ARMC3: variants seen among roughly 807,000 people sequenced by gnomAD.
The protein encoded by ARMC3 is armadillo repeat containing 3, also known as armadillo repeat-containing protein 3.
ARMC3 carries 74 observed loss-of-function variants against 90.3 expected under a neutral mutation model. The ratio of observed to expected loss-of-function variants is 0.82; its 90% CI spans 0.68 to 0.99. The LOEUF (loss-of-function observed/expected upper bound fraction) is 0.99. ARMC3 is among the 50% of genes least tolerant of loss of function. The pLI, the probability that ARMC3 is intolerant of heterozygous loss-of-function variation, is 0.00. For missense variants in ARMC3, 958 were observed against 1,042.8 expected (o/e 0.92, Z 1.12); for synonymous variants, 334 against 361.8 (o/e 0.92, Z 0.87).
At chr10:23,002,192 C>T (rs1250289398) in intron 12 of ARMC3, 137 bp downstream of exon 12, 20 of 1,300,760 alleles carry the variant, frequency 1.5e-5, no homozygotes, top group Non-Finnish European at 2.0e-5. Flanking sequence ...GTCCCCAGGG[C>T]GGGCCTTGGC....
chr10:22,946,121 A>C, intron 2 of ARMC3, 23 bp from the exon 3 acceptor site: 1 of 1,485,280 alleles, frequency 6.7e-7, no homozygotes, highest in Non-Finnish European at 9.3e-7. Flanking sequence ...TGTGAAACTG[A>C]TAGTTTTCTT....
chr10:23,036,036 C>T (rs1839113955), intron 18 of ARMC3, among the ~76,000 whole-genome samples: 1 of 152,156 alleles, frequency 6.6e-6, no homozygotes, highest in Non-Finnish European at 1.5e-5. Flanking sequence ...ATACCATGAC[C>T]TTAGGAAAAT....
chr10:23,002,162 A>G (rs1837325708), intron 12 of ARMC3, 107 bp downstream of exon 12: 12 of 1,443,620 alleles, frequency 8.3e-6, no homozygotes, highest in Admixed American at 4.8e-5. Flanking sequence ...CTGCTCTCTC[A>G]GTCCGCTGAA....
chr10:22,964,588 G>C (rs557866211), intron 7 of ARMC3, among the ~76,000 whole-genome samples: 132 of 151,946 alleles, frequency 8.7e-4, no homozygotes, highest in African/African-American at 2.8e-3. Context: ...ACAGGCACGT[G>C]CCACCACATC....
At chr10:22,948,608 G>A (rs929495591) in intron 3 of ARMC3, among the ~76,000 whole-genome samples, 1 of 152,066 alleles carries the variant, frequency 6.6e-6, no homozygotes, top group African/African-American at 2.4e-5. Flanking sequence ...TGAAATAACA[G>A]TTGACAAGAC....
rs187591021 is a variant in ARMC3 at position 22,955,767 on chromosome 10, A to G, written c.167-40A>G. 1.7e-3 allele frequency: 2,796 copies of G among 1,610,496 alleles called. 5 individuals are homozygous for G. The highest frequency in any genetic ancestry group is 2.2e-3 in the Non-Finnish European group (2,548 of 1,178,288). ...ACAAGGCAGAATGCTGATGAGATCG[A>G]TAATATCCATGTGTGGTTTTGTTTT... On this transcript the variant is annotated intron_variant, in intron 3 of 18. Coordinates refer to ENST00000298032, the MANE Select transcript of ARMC3 (RefSeq NM_173081.5).
intron 16 of ARMC3, among the ~76,000 whole-genome samples, chr10:23,030,254 C>A (rs1028223909): frequency 3.3e-5 from 5 of 152,044 alleles, no homozygotes; most frequent in African/African-American, 1.2e-4. Context: ...TTTCATGAAG[C>A]CCTATAGATA....
chr10:22,963,938 A>C (rs1449465460), intron 7 of ARMC3, among the ~76,000 whole-genome samples: 10,809 of 142,158 alleles, frequency 0.076, 534 homozygotes, highest in Middle Eastern at 0.14. Context: ...AAAAAAAAAA[A>C]AAAAAAAAAA....
At chr10:22,985,872 C>G (rs1450252106) in intron 10 of ARMC3, among the ~76,000 whole-genome samples, 1 of 152,160 alleles carries the variant, frequency 6.6e-6, no homozygotes, top group Non-Finnish European at 1.5e-5. Flanking sequence ...AAAACCTCTT[C>G]CCATGCAGGC....
At chr10:23,031,630 T>A (rs1400418267) in intron 17 of ARMC3, among the ~76,000 whole-genome samples, 1 of 152,238 alleles carries the variant, frequency 6.6e-6, no homozygotes, top group Non-Finnish European at 1.5e-5. Flanking sequence ...CCTGATGTCC[T>A]TGAGAAGTGA....
Position 22,968,377 on chromosome 10 carries a change from G to T in ARMC3, c.804G>T (p.Val268=). Residue 268 remains valine, a synonymous_variant, in exon 8 of 19, where the codon GTG becomes GTT. Transcript: ENST00000298032. ...ANCLEDMDTM[V]QIQQTGGLKK... is the part of the protein sequence containing the mutation. ...GCCTTGAAGACATGGATACTATGGT[G>T]CAGATTCAGCAGACAGGGGGTCTTA... 2 of 1,613,968 alleles carry T rather than the reference G, an allele frequency of 1.2e-6. No homozygotes were observed. The highest frequency in any genetic ancestry group is 1.7e-6 in the Non-Finnish European group (2 of 1,179,916).
At chr10:23,024,965 T>C (rs1160018457) in intron 16 of ARMC3, among the ~76,000 whole-genome samples, 2 of 152,034 alleles carry the variant, frequency 1.3e-5, no homozygotes, top group African/African-American at 2.4e-5. Context: ...ATCTTATAAA[T>C]TAGACTACAG....
chr10:22,981,722 C>T, intron 10 of ARMC3, 22 bp downstream of exon 10: 1 of 1,580,870 alleles, frequency 6.3e-7, no homozygotes, highest in Non-Finnish European at 8.7e-7. Context: ...GATCCTCACC[C>T]AGCACTGACT....
chr10:22,938,148 C>G (rs776003574), intron 2 of ARMC3, among the ~76,000 whole-genome samples: 25 of 152,120 alleles, frequency 1.6e-4, no homozygotes, highest in Admixed American at 5.2e-4. Context: ...GGATCTCAAC[C>G]AAAACACACT....
intron 7 of ARMC3, among the ~76,000 whole-genome samples, chr10:22,964,440 ATT>A (rs112985563): frequency 5.6e-4 from 78 of 138,426 alleles, no homozygotes; most frequent in African/African-American, 1.7e-3. Context: ...TGTAGTGTTA[ATT>A]TTTTTTTTTT....
At chr10:22,980,005 G>A (rs1836112047) in intron 8 of ARMC3, among the ~76,000 whole-genome samples, 1 of 152,126 alleles carries the variant, frequency 6.6e-6, no homozygotes, top group African/African-American at 2.4e-5. Flanking sequence ...ACGTGATACT[G>A]CTTCTGCGAA....
At chr10:22,990,100 ACT>A (rs1452221594) in intron 10 of ARMC3, among the ~76,000 whole-genome samples, 1 of 152,008 alleles carries the variant, frequency 6.6e-6, no homozygotes, top group Non-Finnish European at 1.5e-5. Flanking sequence ...AGTTGCTAGT[ACT>A]CTCTTTCAGG....
At chr10:23,003,476 T>C in intron 13 of ARMC3, 62 bp downstream of exon 13, 7 of 1,294,734 alleles carry the variant, frequency 5.4e-6, no homozygotes, top group Non-Finnish European at 7.2e-6. Context: ...TTAATCCTGA[T>C]GCCATTACAT....
intron 16 of ARMC3, among the ~76,000 whole-genome samples, chr10:23,017,077 A>ATT (rs34292439): frequency 0.037 from 5,597 of 149,454 alleles, 148 homozygotes; most frequent in African/African-American, 0.068. Context: ...CCAATTTATT[A>ATT]TTTTTTTTTT....
Sources: allele counts gnomAD v4.1 joint callset (sites outside exome capture counted in the v4.1 genomes callset), GRCh38; gene constraint gnomAD v4.1.1; transcripts MANE v1.5; gene names NCBI Gene and HGNC (gene_info 2026-07-23, HGNC 2026-07-21).